Variants in COG2 observed in about 807,000 individuals in gnomAD.
COG2 encodes the protein component of oligomeric golgi complex 2, also known as conserved oligomeric Golgi complex subunit 2.
COG2 carries 52 observed loss-of-function variants against 90.6 expected under a neutral mutation model. The ratio of observed to expected loss-of-function variants is 0.57; its 90% CI spans 0.46 to 0.72. The LOEUF (loss-of-function observed/expected upper bound fraction) is 0.72. Among genes scored for constraint, COG2 ranks in the 30% least tolerant of loss-of-function variants. COG2 has a pLI of 0.00. For synonymous variants in COG2, 337 were observed against 320.4 expected (o/e 1.05, Z -0.55); for missense variants, 829 against 891.2 (o/e 0.93, Z 0.89).
Position 230,642,777 on chromosome 1 carries a change from C to T in COG2, c.72+99C>T, listed in dbSNP as rs545107598. The T allele has an allele frequency of 9.5e-5, 112 of 1,182,148 alleles. 1 individual carries two copies. The South Asian group carries it at 1.1e-3, about 12-fold the overall frequency. 73.2% of individuals were successfully genotyped at this position (1,182,148 alleles called of 1,614,324 possible). ...TCGGTCGGCTGCTCCTGCCTGCGCA[C>T]GCTCAGTGTCAGGTCCTCCGCCGAG... On this transcript the variant is annotated intron_variant, in intron 1 of 17. Transcript: ENST00000366669.
At chr1:230,647,459 G>A (rs1406930412) in intron 1 of COG2, among the ~76,000 whole-genome samples, 1 of 152,188 alleles carries the variant, frequency 6.6e-6, no homozygotes, top group African/African-American at 2.4e-5. Flanking sequence ...CCCAGTTTCA[G>A]CTCTGCTGAG....
At position 230,663,225 on chromosome 1, in the gene COG2, T is replaced by C. The variant is rs202180616; in HGVS notation, c.381+4T>C. The C allele has an allele frequency of 3.6e-4, 584 of 1,605,760 alleles. 3 individuals carry two copies. In the African/African-American group the frequency reaches 7.3e-3, roughly 20 times the overall value. On this transcript the variant is annotated splice_donor_region_variant and intron_variant, in intron 4 of 17. Transcript: ENST00000366669. ...AGAGGACATTAGGAAAAAAAAGGTA[T>C]ACTCAAATATTACAATATTAAATCG...
intron 12 of COG2, 24 bp from the exon 13 acceptor site, chr1:230,686,911 T>G: frequency 6.9e-7 from 1 of 1,451,606 alleles, no homozygotes; most frequent in East Asian, 2.3e-5. Flanking sequence ...GTGAAAGTAG[T>G]TAATCAGTGA....
intron 8 of COG2, 31 bp downstream of exon 8, chr1:230,671,671 C>A (rs771907656): frequency 6.2e-7 from 1 of 1,607,356 alleles, no homozygotes; most frequent in Admixed American, 1.7e-5. Context: ...TGGACCCCCA[C>A]CTCCCTTTCA....
chr1:230,651,005 A>AT (rs1247715263), intron 1 of COG2, among the ~76,000 whole-genome samples: 1 of 152,202 alleles, frequency 6.6e-6, no homozygotes, highest in Non-Finnish European at 1.5e-5. Context: ...ACACACAGAC[A>AT]TACAGGAGCT....
chr1:230,660,452 AG>A (rs1435474682), intron 2 of COG2, among the ~76,000 whole-genome samples: 1 of 152,210 alleles, frequency 6.6e-6, no homozygotes, highest in African/African-American at 2.4e-5. Context: ...CTTTATCTCC[AG>A]TTAAAATTTC....
At chr1:230,647,287 T>TG in intron 1 of COG2, among the ~76,000 whole-genome samples, 1 of 152,348 alleles carries the variant, frequency 6.6e-6, no homozygotes, top group East Asian at 1.9e-4. Flanking sequence ...AGGCATTGAC[T>TG]GGGGGTCTTG....
intron 5 of COG2, among the ~76,000 whole-genome samples, chr1:230,665,230 C>T (rs1004509497): frequency 6.6e-6 from 1 of 152,064 alleles, no homozygotes; most frequent in Non-Finnish European, 1.5e-5. Flanking sequence ...CATGTACCAG[C>T]TGGGTAGCCT....
intron 8 of COG2, among the ~76,000 whole-genome samples, chr1:230,673,731 T>G (rs1662516867): frequency 6.6e-6 from 1 of 152,120 alleles, no homozygotes; most frequent in African/African-American, 2.4e-5. Flanking sequence ...GAGGCAGTCA[T>G]CTTCTTTCCC....
chr1:230,650,972 T>G (rs1032262346), intron 1 of COG2, among the ~76,000 whole-genome samples: 18 of 152,234 alleles, frequency 1.2e-4, no homozygotes, highest in Admixed American at 1.2e-3. Flanking sequence ...CTGTTGGCCC[T>G]TTGTCTTAAA....
intron 16 of COG2, 32 bp from the exon 17 acceptor site, chr1:230,691,352 C>CT: frequency 6.4e-7 from 1 of 1,560,588 alleles, no homozygotes. Flanking sequence ...ACAAATGCCT[C>CT]TTTTCACCAA....
intron 3 of COG2, 125 bp from the exon 4 acceptor site, chr1:230,663,016 A>T: frequency 1.7e-6 from 1 of 578,194 alleles, no homozygotes. Context: ...AATATTTTGT[A>T]ATTTGTCAAT....
At chr1:230,660,702 C>G (rs1477331833) in intron 2 of COG2, 56 bp from the exon 3 acceptor site, 2 of 1,226,810 alleles carry the variant, frequency 1.6e-6, no homozygotes, top group African/African-American at 3.1e-5. Context: ...TAAATGGATA[C>G]TTAGCTGTTA....
intron 9 of COG2, among the ~76,000 whole-genome samples, chr1:230,676,545 T>A (rs928910391): frequency 4.6e-5 from 7 of 152,300 alleles, no homozygotes; most frequent in East Asian, 1.9e-4. Context: ...ACGTTTTTTT[T>A]AAAATCTTAA....
In COG2 at chr1:230,642,521, C is replaced by G. The variant is rs542718264; in HGVS notation, c.-86C>G. Reference sequence around the variant, plus strand: ...GACCCCCCTGTGCCGTGGAAACTGGCGGTGGCCGCGGCCGCCGAGTCGGTC... The same window carrying G: ...GACCCCCCTGTGCCGTGGAAACTGGGGGTGGCCGCGGCCGCCGAGTCGGTC... On this transcript the variant is annotated 5_prime_UTR_variant, in exon 1 of 18. Transcript: ENST00000366669. 1 of 1,354,624 alleles carries G rather than the reference C, an allele frequency of 7.4e-7. No homozygotes were observed. The highest frequency in any genetic ancestry group is 1.0e-6 in the Non-Finnish European group (1 of 973,454). 83.9% of individuals were successfully genotyped at this position (1,354,624 alleles called of 1,614,324 possible).
In COG2 at chr1:230,687,959, T is replaced by C. The variant is rs1331606855; in HGVS notation, c.1579-112T>C. On this transcript the variant is annotated intron_variant, in intron 13 of 17. Transcript: ENST00000366669. ...GATGAAAATTACTGAAATTCCTGAT[T>C]TTAAGTTCACCATTCATTAGCAAAT... The C allele has an allele frequency of 8.8e-6, 6 of 678,852 alleles. No individual in the cohort carries two copies. The Admixed American group carries it at 2.1e-4, about 24-fold the overall frequency. 42.1% of individuals were successfully genotyped at this position (678,852 alleles called of 1,614,324 possible). A position where few individuals can be genotyped will look rare whatever the true frequency, so the allele number is the denominator to read the frequency against.
intron 8 of COG2, among the ~76,000 whole-genome samples, chr1:230,672,280 A>G (rs974263153): frequency 2.0e-5 from 3 of 152,142 alleles, no homozygotes; most frequent in Non-Finnish European, 4.4e-5. Flanking sequence ...CTCAGTGCGC[A>G]TGGAGGAAGA....
chr1:230,672,930 G>A (rs1662487821), intron 8 of COG2, among the ~76,000 whole-genome samples: 1 of 152,196 alleles, frequency 6.6e-6, no homozygotes, highest in Admixed American at 6.5e-5. Context: ...AGCAAGCAAT[G>A]TATTTGGCCT....
rs1662378830 is a variant in COG2 at position 230,668,720 on chromosome 1, T to G, written c.530T>G (p.Phe177Cys). The change falls in exon 6 of 18, where the codon TTT becomes TGT. Residue 177 changes from phenylalanine to cysteine, a missense_variant. By Grantham distance (205) the Phe-to-Cys change is radical. Coordinates refer to ENST00000366669, the MANE Select transcript of COG2 (RefSeq NM_007357.3). ...GQILERIATEFNQLQFHAVQS... is the reference protein window; with the variant it reads ...GQILERIATECNQLQFHAVQS... Reference sequence around the variant, plus strand: ...ATTTTGGAGAGAATTGCCACAGAATTTAATCAGTTACAGTTTCATGCTGTT... The same window carrying G: ...ATTTTGGAGAGAATTGCCACAGAATGTAATCAGTTACAGTTTCATGCTGTT... 2.5e-6 allele frequency: 4 copies of G among 1,612,890 alleles called. No individual in the cohort carries two copies. The Admixed American group carries it at 5.0e-5, about 20-fold the overall frequency.
Sources: gnomAD v4.1 joint callset for allele counts (sites outside exome capture counted in the v4.1 genomes callset) on GRCh38, gnomAD v4.1.1 for gene constraint, MANE v1.5 for transcripts, NCBI Gene and HGNC (gene_info 2026-07-23, HGNC 2026-07-21) for gene names.